PMEPA1: variants seen among roughly 807,000 people sequenced by gnomAD.
PMEPA1 encodes the protein prostate transmembrane protein, androgen induced 1, also known as protein TMEPAI.
In PMEPA1, 11 loss-of-function variants were observed where a neutral mutation model predicts 23.0. The observed-to-expected ratio is 0.48, with a 90% CI of 0.30 to 0.79. The LOEUF is 0.79. Among genes scored for constraint, PMEPA1 ranks in the 30% least tolerant of loss-of-function variants. PMEPA1 has a pLI of 0.06. For synonymous variants in PMEPA1, 204 were observed against 166.4 expected (o/e 1.23, Z -1.74); for missense variants, 377 against 390.9 (o/e 0.96, Z 0.30).
chr20:57,678,087 T>C (rs2071662970), intron 1 of PMEPA1, among the ~76,000 whole-genome samples: 1 of 152,230 alleles, frequency 6.6e-6, no homozygotes, highest in African/African-American at 2.4e-5. Context: ...GTTCTTGTGA[T>C]GGGACTGTTG....
At chr20:57,690,534 A>T (rs946131898) in intron 1 of PMEPA1, 1 of 1,295,980 alleles carries the variant, frequency 7.7e-7, no homozygotes, top group Non-Finnish European at 1.0e-6. Flanking sequence ...GCAAAAAAGA[A>T]GGATTAATTA....
intron 1 of PMEPA1, among the ~76,000 whole-genome samples, chr20:57,674,925 G>C (rs575016563): frequency 6.6e-6 from 1 of 152,336 alleles, no homozygotes; most frequent in Admixed American, 6.5e-5. Flanking sequence ...CTGGACAGAT[G>C]AATGTGGACA....
chr20:57,655,930 A>C lies in PMEPA1; in HGVS notation c.265-2844T>G, dbSNP rs984805798. ...GCAGCTATGGGCAAAACGCACTCGA[A>C]AACACTTCATTCACACTCAGAAAAG... On this transcript the variant is annotated intron_variant, in intron 2 of 3. Transcript: ENST00000341744. This position sits in a 1 kb window ranked among gnomAD's most constrained non-coding sequence, Gnocchi z 4.2. 2.6e-5 allele frequency among the ~76,000 whole-genome samples: 4 copies of C among 152,046 alleles called. No individual in the cohort carries two copies. The highest frequency in any genetic ancestry group is 4.4e-5 in the Non-Finnish European group (3 of 68,004).
At position 57,709,674 on chromosome 20, in the gene PMEPA1, A is replaced by AGGAGGCGCGCGGCGGG. The variant is rs2072141797; in HGVS notation, c.-108_-93dup. The AGGAGGCGCGCGGCGGG allele has an allele frequency of 4.1e-6, 4 of 973,696 alleles. No homozygotes were observed. Among genetic ancestry groups the AGGAGGCGCGCGGCGGG allele is most frequent in the East Asian group, 1.2e-4 (1 of 8,272 alleles). The allele number at this position is 973,696 out of a possible 1,614,324, so 60.3% of individuals were successfully genotyped here. On this transcript the variant is annotated 5_prime_UTR_variant, in exon 1 of 4. Transcript: ENST00000341744. ...CGCCCGGAGCTGGGGCCCCGCATGC[A>AGGAGGCGCGCGGCGGG]GGAGGCGCGCGGCGGGGGAGGCGCG...
intron 1 of PMEPA1, among the ~76,000 whole-genome samples, chr20:57,706,182 G>A (rs1169464052): frequency 1.3e-5 from 2 of 152,142 alleles, no homozygotes; most frequent in African/African-American, 2.4e-5. Flanking sequence ...CTCAGGAAAC[G>A]CCTCCCGCGT....
intron 2 of PMEPA1, 111 bp downstream of exon 2, chr20:57,659,432 T>G: frequency 8.2e-7 from 1 of 1,214,236 alleles, no homozygotes; most frequent in Non-Finnish European, 1.1e-6. Flanking sequence ...CCTGTCTTCC[T>G]GCCCTGAATC....
At chr20:57,662,421 T>C (rs1193686097) in intron 1 of PMEPA1, among the ~76,000 whole-genome samples, 2 of 152,102 alleles carry the variant, frequency 1.3e-5, no homozygotes, top group East Asian at 3.9e-4. Context: ...GTCCTCCCAC[T>C]AGGCTTGGTG....
chr20:57,662,543 T>C (rs1017323337), intron 1 of PMEPA1, among the ~76,000 whole-genome samples: 5 of 152,156 alleles, frequency 3.3e-5, no homozygotes, highest in African/African-American at 9.7e-5. Flanking sequence ...GAGATCAGGC[T>C]TCAGACCCAG....
rs2071313210 is a variant in PMEPA1 at position 57,655,413 on chromosome 20, G to A, written c.265-2327C>T. Among the ~76,000 whole-genome samples the A allele has an allele frequency of 6.6e-6, 1 of 152,200 alleles. No homozygotes were observed. The highest frequency in any genetic ancestry group is 2.4e-5 in the African/African-American group (1 of 41,444). ...TTCAGGGGTCTCACTCGCCCTGCAG[G>A]AGCTGCTACCGTTTCCCCAGTGCCA... On this transcript the variant is annotated intron_variant, in intron 2 of 3. Transcript: ENST00000341744. The surrounding 1 kb of genome is among the most constrained non-coding windows in gnomAD (Gnocchi z 4.2).
chr20:57,658,642 G>A (rs1425674053), intron 2 of PMEPA1, among the ~76,000 whole-genome samples: 1 of 152,146 alleles, frequency 6.6e-6, no homozygotes, highest in Non-Finnish European at 1.5e-5. Context: ...TTTACAAATG[G>A]GGGATCTGAA....
Position 57,652,400 on chromosome 20 carries a change from C to A in PMEPA1, c.517G>T (p.Glu173Ter). 1 of 1,613,778 alleles carries A rather than the reference C, an allele frequency of 6.2e-7. No homozygotes were observed. The highest frequency in any genetic ancestry group is 8.5e-7 in the Non-Finnish European group (1 of 1,179,910). ...TCCCGGTTCAGTTCCAGCTGCTGCT[C>A]GGGGTCCCGAAGCTGGAGGGTGCAG... ...GPCTLQLRDPEQQLELNRESV... is the reference protein window; with the variant it reads ...GPCTLQLRDP Residue 173 changes from glutamate (E) to a stop codon, truncating the protein, a stop_gained, in exon 4 of 4, where the codon GAG becomes TAG. Coordinates refer to ENST00000341744, the MANE Select transcript of PMEPA1 (RefSeq NM_020182.5). LOFTEE classifies it high-confidence loss of function. This position sits in a 1 kb window ranked among gnomAD's most constrained non-coding sequence, Gnocchi z 6.1.
intron 1 of PMEPA1, among the ~76,000 whole-genome samples, chr20:57,678,927 C>T (rs60776908): frequency 0.015 from 2,241 of 152,284 alleles, 62 homozygotes; most frequent in African/African-American, 0.051. Flanking sequence ...GAGAAAGCAT[C>T]ACTGTAAAGT....
Position 57,652,129 on chromosome 20 carries a change from T to C in PMEPA1, c.788A>G (p.His263Arg), listed in dbSNP as rs145143720. Reference protein sequence around the residue: ...PSLLEGTRLHHTHIAPLESAA... With the variant: ...PSLLEGTRLHRTHIAPLESAA... Reference sequence around the variant, plus strand: ...GCTCTCTAGGGGCGCGATGTGTGTGTGGTGGAGCCGGGTCCCCTCCAGCAA... The same window carrying C: ...GCTCTCTAGGGGCGCGATGTGTGTGCGGTGGAGCCGGGTCCCCTCCAGCAA... Residue 263 changes from histidine (H) to arginine (R), a missense_variant, in exon 4 of 4, where the codon CAC becomes CGC. This residue lies in a region of PMEPA1 where 176 missense variants were observed against 173.0 expected (regional missense o/e 1.02). Transcript: ENST00000341744. The surrounding 1 kb of genome is among the most constrained non-coding windows in gnomAD (Gnocchi z 6.1). 4 of 1,593,466 alleles carry C rather than the reference T, an allele frequency of 2.5e-6. No homozygotes were observed. In the African/African-American group the frequency reaches 5.4e-5, roughly 21 times the overall value.
intron 1 of PMEPA1, among the ~76,000 whole-genome samples, chr20:57,692,836 T>C (rs1425409745): frequency 6.6e-6 from 1 of 152,182 alleles, no homozygotes; most frequent in Non-Finnish European, 1.5e-5. Flanking sequence ...CACTCAGCAA[T>C]GTCTCAGGGA....
intron 1 of PMEPA1, among the ~76,000 whole-genome samples, chr20:57,662,857 C>T (rs1333850505): frequency 6.6e-6 from 1 of 152,196 alleles, no homozygotes; most frequent in African/African-American, 2.4e-5. Context: ...CTGTCCCGGG[C>T]CCTGGCAGCC....
chr20:57,665,208 C>A (rs748265115), intron 1 of PMEPA1, among the ~76,000 whole-genome samples: 2 of 152,156 alleles, frequency 1.3e-5, no homozygotes, highest in Non-Finnish European at 2.9e-5. Context: ...ATTTAGGTAA[C>A]ATCACCATGC....
intron 1 of PMEPA1, among the ~76,000 whole-genome samples, chr20:57,664,214 G>T (rs1015786612): frequency 2.0e-5 from 3 of 152,196 alleles, no homozygotes; most frequent in Non-Finnish European, 4.4e-5. Context: ...CTCTCCACAG[G>T]CCTGGTCCCG....
intron 1 of PMEPA1, among the ~76,000 whole-genome samples, chr20:57,701,674 A>G (rs1186559095): frequency 2.6e-5 from 4 of 152,194 alleles, no homozygotes; most frequent in Non-Finnish European, 5.9e-5. Flanking sequence ...CGGTCCTGAC[A>G]ACCCCATAGA....
chr20:57,665,027 C>T (rs1471081467), intron 1 of PMEPA1, among the ~76,000 whole-genome samples: 1 of 152,160 alleles, frequency 6.6e-6, no homozygotes, highest in Non-Finnish European at 1.5e-5. Flanking sequence ...TGGGTCCTAC[C>T]ACTGTCCCTG....
Sources: gnomAD v4.1 joint callset for allele counts (sites outside exome capture counted in the v4.1 genomes callset) on GRCh38, gnomAD v4.1.1 for gene constraint, gnomAD v4.1.1 regional missense constraint, Gnocchi (gnomAD v3.1) non-coding constraint, MANE v1.5 for transcripts, NCBI Gene and HGNC (gene_info 2026-07-23, HGNC 2026-07-21) for gene names.